LRRTM4: variants seen among roughly 807,000 people sequenced by gnomAD.
The protein encoded by LRRTM4 is leucine-rich repeat transmembrane neuronal protein 4.
A neutral mutation model predicts 47.6 loss-of-function variants in LRRTM4; 25 were observed. That is an observed-to-expected ratio of 0.53 (90% CI 0.38 to 0.73). LRRTM4 has a LOEUF of 0.73. Among genes scored for constraint, LRRTM4 ranks in the 30% least tolerant of loss-of-function variants. LRRTM4 has a pLI of 0.00. For synonymous variants in LRRTM4, 311 were observed against 269.5 expected, an observed-to-expected ratio of 1.15 and a Z score of -1.51; for missense variants, 638 against 713.4, an observed-to-expected ratio of 0.89 and a Z score of 1.20.
At chr2:76,762,891 A>G (rs1006866374) in intron 3 of LRRTM4, among the ~76,000 whole-genome samples, 1 of 152,172 alleles carries the variant, frequency 6.6e-6, no homozygotes, top group African/African-American at 2.4e-5. Flanking sequence ...TTGTGTTTAA[A>G]TAACATAACA....
intron 3 of LRRTM4, among the ~76,000 whole-genome samples, chr2:77,091,485 C>G (rs1670639662): frequency 6.6e-6 from 1 of 150,886 alleles, no homozygotes; most frequent in Non-Finnish European, 1.5e-5. Context: ...TAAAACCAGA[C>G]AAGCCTTACA....
intron 3 of LRRTM4, among the ~76,000 whole-genome samples, chr2:76,855,410 G>A (rs1030865345): frequency 1.4e-4 from 21 of 152,138 alleles, no homozygotes; most frequent in African/African-American, 4.6e-4. Flanking sequence ...ATAAAAGAAA[G>A]CATACAGTCT....
intron 3 of LRRTM4, among the ~76,000 whole-genome samples, chr2:77,024,949 A>G (rs1342861294): frequency 6.6e-6 from 1 of 152,156 alleles, no homozygotes; most frequent in Non-Finnish European, 1.5e-5. Context: ...AATTTGAGAA[A>G]TTATTAGTTT....
At chr2:77,320,181 T>A (rs1677747084) in intron 3 of LRRTM4, among the ~76,000 whole-genome samples, 1 of 152,114 alleles carries the variant, frequency 6.6e-6, no homozygotes, top group African/African-American at 2.4e-5. Flanking sequence ...AATCCATTCA[T>A]ACTCAAGTCA....
chr2:76,850,995 C>A (rs181087449), intron 3 of LRRTM4, among the ~76,000 whole-genome samples: 39 of 152,278 alleles, frequency 2.6e-4, no homozygotes, highest in Admixed American at 2.4e-3. Flanking sequence ...CCCCAAAGCT[C>A]CGATTGATTT....
intron 3 of LRRTM4, among the ~76,000 whole-genome samples, chr2:77,026,623 T>C (rs1287942516): frequency 5.3e-5 from 8 of 152,058 alleles, no homozygotes; most frequent in Non-Finnish European, 8.8e-5. Context: ...ATTATATATG[T>C]AAATCCTTCT....
intron 3 of LRRTM4, among the ~76,000 whole-genome samples, chr2:77,083,343 A>G (rs902667074): frequency 6.6e-6 from 1 of 152,182 alleles, no homozygotes; most frequent in Non-Finnish European, 1.5e-5. Context: ...TGATTCTTTA[A>G]TATCCCAAAT....
rs540178460 is a variant in LRRTM4, at chr2:77,377,587, G to A, written c.1551+140731C>T. Reference sequence around the variant, plus strand: ...TCTGACTTTTAATGAATGTTCTAATGCCTCCTGTTAAGTGAGACATTTTCT... The same window carrying A: ...TCTGACTTTTAATGAATGTTCTAATACCTCCTGTTAAGTGAGACATTTTCT... On this transcript the variant is annotated intron_variant, in intron 3 of 3. Transcript: ENST00000409884. 7.9e-5 allele frequency among the ~76,000 whole-genome samples: 12 copies of A among 151,940 alleles called. No homozygotes were observed. The South Asian group carries it at 2.5e-3, about 32-fold the overall frequency.
intron 3 of LRRTM4, among the ~76,000 whole-genome samples, chr2:77,183,371 C>T (rs990080736): frequency 2.0e-5 from 3 of 152,130 alleles, no homozygotes; most frequent in African/African-American, 7.2e-5. Context: ...CAAATCAAAA[C>T]CACAAAGAGA....
chr2:77,338,901 C>A (rs1268961650), intron 3 of LRRTM4, among the ~76,000 whole-genome samples: 1 of 151,912 alleles, frequency 6.6e-6, no homozygotes, highest in Non-Finnish European at 1.5e-5. Context: ...CATATTATAC[C>A]ATGGAATGTC....
chr2:77,087,996 A>T (rs956508516), intron 3 of LRRTM4, among the ~76,000 whole-genome samples: 1 of 152,166 alleles, frequency 6.6e-6, no homozygotes, highest in Admixed American at 6.5e-5. Context: ...TGCACAGGTG[A>T]ATGAAAAGGG....
In LRRTM4 at chr2:77,265,621, C is replaced by A. The variant is rs189208140; in HGVS notation, c.1551+252697G>T. On this transcript the variant is annotated intron_variant, in intron 3 of 3. Transcript: ENST00000409884. The stretch of plus-strand genomic sequence containing the variant: ...TTGTGTTATAACAGCACAAAACAGA[C>A]TAAGACAGGACTAATATAGACACTG... Among the ~76,000 whole-genome samples, 5 of 152,082 alleles carry A rather than the reference C, an allele frequency of 3.3e-5. No homozygotes were observed. The East Asian group carries it at 9.7e-4, about 29-fold the overall frequency.
At chr2:77,031,031 G>A (rs1210041544) in intron 3 of LRRTM4, among the ~76,000 whole-genome samples, 1 of 152,084 alleles carries the variant, frequency 6.6e-6, no homozygotes, top group East Asian at 1.9e-4. Context: ...TGAATAAACT[G>A]TAAATATTAT....
intron 3 of LRRTM4, among the ~76,000 whole-genome samples, chr2:76,837,962 G>A (rs909209063): frequency 6.3e-4 from 96 of 151,962 alleles, no homozygotes; most frequent in East Asian, 1.6e-3. Context: ...GGGAGGGATA[G>A]CATTAGGAGA....
intron 3 of LRRTM4, among the ~76,000 whole-genome samples, chr2:77,044,093 C>A (rs963448091): frequency 1.3e-5 from 2 of 151,476 alleles, no homozygotes; most frequent in African/African-American, 4.8e-5. Flanking sequence ...ATTATAATGC[C>A]TTAGATATTC....
intron 3 of LRRTM4, among the ~76,000 whole-genome samples, chr2:77,245,499 C>A (rs1196256348): frequency 6.2e-5 from 7 of 113,398 alleles, no homozygotes. Context: ...ACTTGGGATA[C>A]AGAGCAAGAC....
At chr2:77,006,942 C>A (rs188427296) in intron 3 of LRRTM4, among the ~76,000 whole-genome samples, 6 of 152,168 alleles carry the variant, frequency 3.9e-5, no homozygotes, top group Admixed American at 2.6e-4. Context: ...ACACAAACAT[C>A]CTTTGGCATC....
chr2:76,962,019 G>A (rs1045349031), intron 3 of LRRTM4, among the ~76,000 whole-genome samples: 2 of 151,078 alleles, frequency 1.3e-5, no homozygotes, highest in Non-Finnish European at 3.0e-5. Context: ...CATATACCTT[G>A]GAGATAACCA....
At chr2:76,926,911 T>C (rs928237797) in intron 3 of LRRTM4, among the ~76,000 whole-genome samples, 1 of 152,132 alleles carries the variant, frequency 6.6e-6, no homozygotes, top group African/African-American at 2.4e-5. Flanking sequence ...GAAAAGGTCA[T>C]GAAAACACGA....
Sources: allele counts gnomAD v4.1 joint callset (sites outside exome capture counted in the v4.1 genomes callset), GRCh38; gene constraint gnomAD v4.1.1; transcripts MANE v1.5; gene names NCBI Gene and HGNC (gene_info 2026-07-23, HGNC 2026-07-21).